The following TGM3 variants were observed in gnomAD, a reference collection of about 807,000 sequenced individuals.
The protein encoded by TGM3 is protein-glutamine gamma-glutamyltransferase E.
A neutral mutation model predicts 73.8 loss-of-function variants in TGM3; 52 were observed. That is an observed-to-expected ratio of 0.70 (90% CI 0.56 to 0.89). The LOEUF (loss-of-function observed/expected upper bound fraction) is 0.89. Ranked by LOEUF, TGM3 falls within the 40% of genes least tolerant of loss-of-function variation. TGM3 has a pLI of 0.00. For synonymous variants in TGM3, 372 were observed against 354.9 expected, an observed-to-expected ratio of 1.05 and a Z score of -0.54; for missense variants, 928 against 909.9, an observed-to-expected ratio of 1.02 and a Z score of -0.26.
At chr20:2,336,537 G>A (rs1362391466) in intron 11 of TGM3, among the ~76,000 whole-genome samples, 6 of 150,484 alleles carry the variant, frequency 4.0e-5, no homozygotes, top group East Asian at 3.9e-4. Flanking sequence ...GGCTGCAGGC[G>A]TTCCTGACCT....
chr20:2,340,587 G>A lies in TGM3; in HGVS notation c.*6G>A, dbSNP rs201351341. 7.1e-5 allele frequency: 114 copies of A among 1,614,148 alleles called. No homozygotes were observed. In the African/African-American group the frequency reaches 9.1e-4, roughly 13 times the overall value. ...CCATCGATGTAGCCGAATGAAGGGC[G>A]CTGGTGGCCTCCCGTACAAACTTGG... On this transcript the variant is annotated 3_prime_UTR_variant, in exon 13 of 13. Coordinates refer to ENST00000381458, the MANE Select transcript of TGM3 (RefSeq NM_003245.4).
In TGM3 at chr20:2,340,866, C is replaced by A; in HGVS notation, c.*285C>A. The A allele has an allele frequency of 1.8e-6, 1 of 558,378 alleles. No homozygotes were observed. Among genetic ancestry groups the A allele is most frequent in the Non-Finnish European group, 3.4e-6 (1 of 293,612 alleles). The allele number at this position is 558,378 out of a possible 1,614,324, so 34.6% of individuals were successfully genotyped here. On this transcript the variant is annotated 3_prime_UTR_variant, in exon 13 of 13. Coordinates refer to ENST00000381458, the MANE Select transcript of TGM3 (RefSeq NM_003245.4). ...CACAGCCCTGCTCATTCCTCACGCC[C>A]TTCAATGCTGCAGGATGGACTGGCC...
chr20:2,326,949 C>T (rs1458815681), intron 8 of TGM3, among the ~76,000 whole-genome samples: 1 of 152,048 alleles, frequency 6.6e-6, no homozygotes, highest in Admixed American at 6.6e-5. Context: ...CTTACCACAC[C>T]CCCAACCCCT....
In TGM3 at chr20:2,328,848, A is replaced by G. The variant is rs73891957; in HGVS notation, c.1333+483A>G. Among the ~76,000 whole-genome samples the G allele has an allele frequency of 5.8e-3, 889 of 152,318 alleles. 11 individuals carry two copies. The highest frequency in any genetic ancestry group is 0.02 in the African/African-American group (838 of 41,564). ...CACTGTGCACATTTGGAGGTCTCCC[A>G]AGAAGCCAGATGAGGTGTGATTACA... On this transcript the variant is annotated intron_variant, in intron 9 of 12. Transcript: ENST00000381458. The surrounding 1 kb of genome is among the most constrained non-coding windows in gnomAD (Gnocchi z 5.2).
intron 11 of TGM3, among the ~76,000 whole-genome samples, chr20:2,338,931 G>GT (rs2084365596): frequency 1.3e-5 from 2 of 152,366 alleles, no homozygotes; most frequent in Non-Finnish European, 2.9e-5. Flanking sequence ...AATTACGGCT[G>GT]TTTCTTGGCA....
chr20:2,335,261 C>A lies in TGM3; in HGVS notation c.1788C>A (p.Thr596=), dbSNP rs1193010817. 1.2e-6 allele frequency: 2 copies of A among 1,613,954 alleles called. No individual in the cohort carries two copies. The highest frequency in any genetic ancestry group is 2.7e-5 in the African/African-American group (2 of 74,932). ...VERDIILDNP[T]LTLEVLNEAR... ...GGGACATCATCCTGGACAACCCCAC[C>A]TTGACCCTGGAGGTAATGGGGCTCC... Residue 596 remains threonine, a synonymous_variant, in exon 11 of 13, where the codon ACC becomes ACA. Transcript: ENST00000381458.
chr20:2,307,284 AC>A (rs1356087705), intron 1 of TGM3, among the ~76,000 whole-genome samples: 3 of 152,000 alleles, frequency 2.0e-5, no homozygotes, highest in African/African-American at 7.2e-5. Flanking sequence ...TGGAGAGGGT[AC>A]CTATGGTGAC....
intron 4 of TGM3, among the ~76,000 whole-genome samples, chr20:2,311,454 C>T (rs2084203079): frequency 6.6e-6 from 1 of 152,182 alleles, no homozygotes. Context: ...CCCCAAGAGA[C>T]ACTGGGGACA....
At chr20:2,321,291 G>T (rs2084261655) in intron 7 of TGM3, among the ~76,000 whole-genome samples, 1 of 152,174 alleles carries the variant, frequency 6.6e-6, no homozygotes, top group South Asian at 2.1e-4. Flanking sequence ...GAATAGACGA[G>T]TTTACAGCTG....
At chr20:2,333,440 G>A (rs1600708154) in intron 10 of TGM3, among the ~76,000 whole-genome samples, 1 of 152,170 alleles carries the variant, frequency 6.6e-6, no homozygotes, top group South Asian at 2.1e-4. Context: ...CTGCCAGGCT[G>A]AAGTGATCAT....
chr20:2,335,304 G>A (rs779972357), intron 11 of TGM3, 31 bp downstream of exon 11: 1 of 1,612,168 alleles, frequency 6.2e-7, no homozygotes, highest in South Asian at 1.1e-5. Flanking sequence ...GTGGGAAGGG[G>A]TTCTGCCCCC....
chr20:2,329,422 G>C (rs1454372000), intron 9 of TGM3, among the ~76,000 whole-genome samples: 1 of 152,154 alleles, frequency 6.6e-6, no homozygotes. Context: ...TATGAGATTG[G>C]TGGCCTCAAT....
intron 9 of TGM3, among the ~76,000 whole-genome samples, chr20:2,330,303 T>G (rs992798869): frequency 1.3e-5 from 2 of 152,184 alleles, no homozygotes; most frequent in African/African-American, 4.8e-5. Context: ...GCATCAAGGC[T>G]CCAAGCCTCA....
chr20:2,327,092 G>C (rs1299667052), intron 8 of TGM3, among the ~76,000 whole-genome samples: 4 of 152,140 alleles, frequency 2.6e-5, no homozygotes, highest in Admixed American at 6.5e-5. Flanking sequence ...TTAGTGGGCT[G>C]TGTCCATCAT....
intron 5 of TGM3, among the ~76,000 whole-genome samples, chr20:2,314,854 C>A (rs564161612): frequency 1.3e-5 from 2 of 152,100 alleles, no homozygotes; most frequent in African/African-American, 4.8e-5. Flanking sequence ...GATCTCTTGA[C>A]TTTTGAGTTG....
intron 3 of TGM3, 57 bp downstream of exon 3, chr20:2,310,474 G>A (rs1344665734): frequency 6.3e-7 from 1 of 1,591,372 alleles, no homozygotes; most frequent in East Asian, 2.2e-5. Flanking sequence ...AAGAAAAAGG[G>A]GATGGGGGAA....
intron 11 of TGM3, among the ~76,000 whole-genome samples, chr20:2,336,905 G>A (rs1311033297): frequency 6.6e-6 from 1 of 152,016 alleles, no homozygotes; most frequent in Non-Finnish European, 1.5e-5. Flanking sequence ...CATTTCCTCA[G>A]GGAAGCCTTT....
At position 2,340,697 on chromosome 20, in the gene TGM3, G is replaced by C; in HGVS notation, c.*116G>C. 1 of 1,412,654 alleles carries C rather than the reference G, an allele frequency of 7.1e-7. No individual in the cohort carries two copies. 87.5% of individuals were successfully genotyped at this position (1,412,654 alleles called of 1,614,324 possible). On this transcript the variant is annotated 3_prime_UTR_variant, in exon 13 of 13. Coordinates refer to ENST00000381458, the MANE Select transcript of TGM3 (RefSeq NM_003245.4). ...TGGGAAACCCTCTCCATCTCCCAAG[G>C]CTGCCAGACATGGACCTCCAGGCTC...
intron 1 of TGM3, among the ~76,000 whole-genome samples, chr20:2,301,709 T>C (rs60582856): frequency 0.12 from 17,552 of 150,044 alleles, 3,396 homozygotes; most frequent in African/African-American, 0.4. Context: ...TTTTTAGCAT[T>C]TTTTTTTTTG....
Sources: gnomAD v4.1 joint callset for allele counts (sites outside exome capture counted in the v4.1 genomes callset) on GRCh38, gnomAD v4.1.1 for gene constraint, Gnocchi (gnomAD v3.1) non-coding constraint, MANE v1.5 for transcripts, NCBI Gene and HGNC (gene_info 2026-07-23, HGNC 2026-07-21) for gene names.